SEL1L3: variants seen among roughly 807,000 people sequenced by gnomAD.
SEL1L3 encodes SEL1L family member 3, also known as protein sel-1 homolog 3.
A neutral mutation model predicts 142.8 loss-of-function variants in SEL1L3; 76 were observed. That is an observed-to-expected ratio of 0.53 (90% CI 0.44 to 0.64). The LOEUF (loss-of-function observed/expected upper bound fraction) is 0.64, where lower values mean the gene tolerates loss of function less well. SEL1L3 is among the 30% of genes least tolerant of loss of function. SEL1L3 has a pLI of 0.00. For missense variants in SEL1L3, 1,262 were observed against 1,381.7 expected, an observed-to-expected ratio of 0.91 and a Z score of 1.37; for synonymous variants, 504 against 519.6, an observed-to-expected ratio of 0.97 and a Z score of 0.41.
At chr4:25,822,226 G>T in intron 6 of SEL1L3, 98 bp from the exon 7 acceptor site, 2 of 1,434,078 alleles carry the variant, frequency 1.4e-6, no homozygotes, top group Non-Finnish European at 1.9e-6. Context: ...AACCCAAATT[G>T]CCCCAAGCCC....
intron 16 of SEL1L3, among the ~76,000 whole-genome samples, chr4:25,778,262 G>C (rs1007255132): frequency 6.6e-6 from 1 of 152,170 alleles, no homozygotes; most frequent in Admixed American, 6.5e-5. Flanking sequence ...AATGATGACA[G>C]TTAATCTCAG....
chr4:25,719,641 G>A, the SEL1L3 span: 5 of 152,160 alleles, frequency 3.3e-5, no homozygotes, highest in African/African-American at 1.2e-4. Context: ...AGGCTGATGA[G>A]GCTGATGAGC....
At chr4:25,862,630 G>T in intron 1 of SEL1L3, 45 bp downstream of exon 1, 2 of 1,128,180 alleles carry the variant, frequency 1.8e-6, no homozygotes, top group Non-Finnish European at 2.2e-6. Context: ...CGCGTCCCCG[G>T]GGCCCCGCGC....
chr4:25,768,732 T>G (rs1370602729), intron 17 of SEL1L3, among the ~76,000 whole-genome samples: 1 of 152,230 alleles, frequency 6.6e-6, no homozygotes, highest in African/African-American at 2.4e-5. Context: ...GCAGCCACTT[T>G]CAGATGTGGC....
At chr4:25,839,161 C>CCA (rs559675233) in intron 2 of SEL1L3, among the ~76,000 whole-genome samples, 17 of 152,220 alleles carry the variant, frequency 1.1e-4, no homozygotes, top group Non-Finnish European at 1.9e-4. Context: ...AAGCCAGTGG[C>CCA]CAATAAGGTG....
At chr4:25,782,473 T>G in intron 14 of SEL1L3, 55 bp from the exon 15 acceptor site, 1 of 1,481,754 alleles carries the variant, frequency 6.7e-7, no homozygotes, top group Non-Finnish European at 9.2e-7. Flanking sequence ...TCTAGAGAGC[T>G]CTGGAAGCAA....
the SEL1L3 span, among the ~76,000 whole-genome samples, chr4:25,741,563 C>A: frequency 6.6e-6 from 1 of 151,902 alleles, no homozygotes; most frequent in Non-Finnish European, 1.5e-5. Flanking sequence ...AATATTTTTT[C>A]TACGAGGTTC....
intron 2 of SEL1L3, among the ~76,000 whole-genome samples, chr4:25,844,270 T>C (rs1716368626): frequency 1.3e-5 from 2 of 152,222 alleles, no homozygotes; most frequent in Non-Finnish European, 1.5e-5. Flanking sequence ...ATGGATGTTT[T>C]CCATGGGACT....
At chr4:25,835,118 A>T (rs1325314367) in intron 3 of SEL1L3, 79 bp downstream of exon 3, 1 of 1,533,888 alleles carries the variant, frequency 6.5e-7, no homozygotes, top group Non-Finnish European at 8.9e-7. Context: ...CTTCCTAAGG[A>T]ATTCTTCCAC....
intron 1 of SEL1L3, among the ~76,000 whole-genome samples, chr4:25,859,767 C>T (rs1717563079): frequency 1.3e-5 from 2 of 152,204 alleles, no homozygotes; most frequent in East Asian, 3.8e-4. Context: ...CATAAAAACC[C>T]CAAACCTTTA....
At chr4:25,725,691 G>A in the SEL1L3 span, among the ~76,000 whole-genome samples, 1 of 152,134 alleles carries the variant, frequency 6.6e-6, no homozygotes, top group African/African-American at 2.4e-5. Flanking sequence ...TTCTGTGAAA[G>A]GGGCTTGGAA....
At chr4:25,863,502 C>T (rs1345897006), upstream of SEL1L3, 1 of 702,746 alleles carries the variant, frequency 1.4e-6, no homozygotes, top group Non-Finnish European at 2.6e-6. Flanking sequence ...CTTTTTTGGC[C>T]GGGGCGCCAT....
intron 1 of SEL1L3, among the ~76,000 whole-genome samples, chr4:25,848,635 A>T (rs1290577020): frequency 6.6e-6 from 1 of 152,236 alleles, no homozygotes; most frequent in Non-Finnish European, 1.5e-5. Context: ...TCCAAAACAC[A>T]ATAGAAAAAG....
the SEL1L3 span, among the ~76,000 whole-genome samples, chr4:25,724,263 G>A: frequency 1.3e-5 from 2 of 151,844 alleles, no homozygotes; most frequent in African/African-American, 4.8e-5. Context: ...TACAAAAAAT[G>A]CAGGAATTAG....
downstream of SEL1L3, among the ~76,000 whole-genome samples, chr4:25,745,330 G>C (rs962127413): frequency 1.3e-5 from 2 of 152,028 alleles, no homozygotes; most frequent in Non-Finnish European, 2.9e-5. Context: ...GGGAGGCAGA[G>C]GATGCAGTGA....
At position 25,788,305 on chromosome 4, in the gene SEL1L3, T is replaced by C. The variant is rs551812426; in HGVS notation, c.2136A>G (p.Ala712=). 1 of 1,614,006 alleles carries C rather than the reference T, an allele frequency of 6.2e-7. No individual in the cohort carries two copies. Among genetic ancestry groups the C allele is most frequent in the East Asian group, 2.2e-5 (1 of 44,876 alleles). Residue 712 remains alanine, a synonymous_variant, in exon 13 of 24, where the codon GCA becomes GCG. Transcript: ENST00000399878. This position sits in a 1 kb window ranked among gnomAD's most constrained non-coding sequence, Gnocchi z 5.3. ...CGCCCTTGGCGTACCACTCAATTGC[T>C]GCTTCGGGATTCTTGGCCACACCTT... ...GQQGVAKNPE[A]AIEWYAKGAL...
chr4:25,742,050 G>C, the SEL1L3 span, among the ~76,000 whole-genome samples: 1 of 151,626 alleles, frequency 6.6e-6, no homozygotes, highest in Non-Finnish European at 1.5e-5. Flanking sequence ...GTCCTCAAGT[G>C]ATCTGCCTGC....
At chr4:25,763,355 A>C (rs891942079) in intron 20 of SEL1L3, among the ~76,000 whole-genome samples, 1 of 152,158 alleles carries the variant, frequency 6.6e-6, no homozygotes, top group Non-Finnish European at 1.5e-5. Flanking sequence ...CTTTACACTG[A>C]ACATCTCATT....
the SEL1L3 span, among the ~76,000 whole-genome samples, chr4:25,737,680 A>C: frequency 2.0e-5 from 3 of 151,744 alleles, no homozygotes; most frequent in African/African-American, 7.3e-5. Flanking sequence ...TGGTTCCAGG[A>C]CCTTCCTCAA....
Sources: allele counts gnomAD v4.1 joint callset (sites outside exome capture counted in the v4.1 genomes callset), GRCh38; gene constraint gnomAD v4.1.1; non-coding constraint Gnocchi (gnomAD v3.1); transcripts MANE v1.5; gene names NCBI Gene and HGNC (gene_info 2026-07-23, HGNC 2026-07-21).